TENM3: variants seen among roughly 807,000 people sequenced by gnomAD.
The protein encoded by TENM3 is teneurin-3.
In TENM3, 63 loss-of-function variants were observed where a neutral mutation model predicts 255.1. That is an observed-to-expected ratio of 0.25 (90% CI 0.20 to 0.30). TENM3 has a LOEUF of 0.30. Among genes scored for constraint, TENM3 ranks in the 10% least tolerant of loss-of-function variants. The pLI is 1.00. For missense variants in TENM3, 2,929 were observed against 3,461.1 expected (o/e 0.85, Z 3.86); for synonymous variants, 1,306 against 1,322.3 (o/e 0.99, Z 0.27).
the TENM3 span, among the ~76,000 whole-genome samples, chr4:181,705,901 T>C: frequency 2.0e-5 from 3 of 152,192 alleles, no homozygotes; most frequent in Non-Finnish European, 4.4e-5. Context: ...ACTGGTTTCA[T>C]TTAATATAAA....
the TENM3 span, among the ~76,000 whole-genome samples, chr4:181,814,185 G>A: frequency 1.3e-5 from 2 of 152,044 alleles, no homozygotes; most frequent in Non-Finnish European, 2.9e-5. Context: ...ATAAGGAAAA[G>A]GCAATGTGTA....
At chr4:181,691,409 AT>A in the TENM3 span, among the ~76,000 whole-genome samples, 1 of 152,230 alleles carries the variant, frequency 6.6e-6, no homozygotes, top group East Asian at 1.9e-4. Context: ...CATGATAGAT[AT>A]TTTTCTGTAA....
At chr4:181,524,814 A>G in the TENM3 span, among the ~76,000 whole-genome samples, 1 of 152,112 alleles carries the variant, frequency 6.6e-6, no homozygotes, top group Non-Finnish European at 1.5e-5. Flanking sequence ...AGGAAAGCCT[A>G]TAGGTCAGAA....
At chr4:182,252,688 A>C (rs993645491) in intron 1 of TENM3, among the ~76,000 whole-genome samples, 1 of 152,210 alleles carries the variant, frequency 6.6e-6, no homozygotes. Context: ...AGGCTCTGGG[A>C]TACCTTTGGG....
intron 12 of TENM3, among the ~76,000 whole-genome samples, chr4:182,689,841 G>C (rs960951369): frequency 6.6e-6 from 1 of 152,198 alleles, no homozygotes; most frequent in Non-Finnish European, 1.5e-5. Flanking sequence ...CTTAAAACAT[G>C]ATGAGTTTTT....
the TENM3 span, among the ~76,000 whole-genome samples, chr4:181,791,283 TTA>T: frequency 6.6e-6 from 1 of 152,330 alleles, no homozygotes; most frequent in African/African-American, 2.4e-5. Flanking sequence ...ATGATACATT[TTA>T]TGACTTCTTT....
At chr4:182,097,236 A>G in the TENM3 span, among the ~76,000 whole-genome samples, 2 of 152,128 alleles carry the variant, frequency 1.3e-5, no homozygotes, top group Non-Finnish European at 2.9e-5. Flanking sequence ...CTTAAAACTA[A>G]TAAAGCCCTT....
chr4:181,651,191 G>A, the TENM3 span, among the ~76,000 whole-genome samples: 2 of 152,184 alleles, frequency 1.3e-5, no homozygotes, highest in Non-Finnish European at 2.9e-5. Context: ...TACAAAAGCT[G>A]CATGGATATG....
the TENM3 span, among the ~76,000 whole-genome samples, chr4:181,856,095 G>GAAGGAA: frequency 8.1e-6 from 1 of 123,466 alleles, no homozygotes; most frequent in Admixed American, 8.2e-5. Flanking sequence ...AGGAAGGAAA[G>GAAGGAA]GGAAAGAAGG....
intron 1 of TENM3, among the ~76,000 whole-genome samples, chr4:182,176,108 C>T (rs1752472459): frequency 6.6e-6 from 1 of 152,018 alleles, no homozygotes; most frequent in South Asian, 2.1e-4. Flanking sequence ...AAATACCATT[C>T]TTTAAGGTCA....
chr4:181,991,283 C>T, the TENM3 span, among the ~76,000 whole-genome samples: 1 of 152,130 alleles, frequency 6.6e-6, no homozygotes, highest in Non-Finnish European at 1.5e-5. Context: ...TCCTTTTCCT[C>T]TTCTACTAGC....
chr4:182,647,370 C>G (rs1324841803), intron 5 of TENM3, among the ~76,000 whole-genome samples: 2 of 152,168 alleles, frequency 1.3e-5, no homozygotes, highest in African/African-American at 2.4e-5. Flanking sequence ...CAAACAACAA[C>G]TCTCCATTTC....
At chr4:181,516,680 G>A in the TENM3 span, among the ~76,000 whole-genome samples, 9 of 152,044 alleles carry the variant, frequency 5.9e-5, no homozygotes, top group Non-Finnish European at 5.9e-5. Context: ...GGCGGCTGAG[G>A]CAGGAGAATC....
chr4:182,056,711 T>C, the TENM3 span, among the ~76,000 whole-genome samples: 67 of 152,268 alleles, frequency 4.4e-4, no homozygotes, highest in Non-Finnish European at 8.5e-4. Flanking sequence ...GTTTAGTTTA[T>C]CTGTGGTCTG....
the TENM3 span, among the ~76,000 whole-genome samples, chr4:181,716,447 G>A: frequency 1.3e-5 from 2 of 152,090 alleles, no homozygotes; most frequent in Non-Finnish European, 2.9e-5. Flanking sequence ...CCTCAATTCC[G>A]ATCAGCCATA....
At chr4:182,477,763 G>T (rs1165375296) in intron 3 of TENM3, among the ~76,000 whole-genome samples, 1 of 152,114 alleles carries the variant, frequency 6.6e-6, no homozygotes, top group Non-Finnish European at 1.5e-5. Flanking sequence ...ATAAACAGCA[G>T]TTCATCTACT....
the TENM3 span, among the ~76,000 whole-genome samples, chr4:181,763,028 CAA>C: frequency 2.6e-5 from 4 of 151,904 alleles, no homozygotes; most frequent in Non-Finnish European, 5.9e-5. Context: ...ACAAATATGA[CAA>C]ATATATAATA....
the TENM3 span, among the ~76,000 whole-genome samples, chr4:181,560,428 T>C: frequency 6.6e-6 from 1 of 152,228 alleles, no homozygotes; most frequent in Non-Finnish European, 1.5e-5. Flanking sequence ...TTTGCTTTGT[T>C]TTATTTTTGA....
chr4:182,689,858 A>AT (rs932654990), intron 12 of TENM3, among the ~76,000 whole-genome samples: 1 of 152,176 alleles, frequency 6.6e-6, no homozygotes, highest in African/African-American at 2.4e-5. Context: ...TTTTCCTGCA[A>AT]TTTTTTAGCT....
Sources: allele counts gnomAD v4.1 joint callset (sites outside exome capture counted in the v4.1 genomes callset), GRCh38; gene constraint gnomAD v4.1.1; transcripts MANE v1.5; gene names NCBI Gene and HGNC (gene_info 2026-07-23, HGNC 2026-07-21).